UNC13C: variants seen among roughly 807,000 people sequenced by gnomAD.
The protein encoded by UNC13C is protein unc-13 homolog C.
UNC13C carries 174 observed loss-of-function variants against 245.4 expected under a neutral mutation model. The ratio of observed to expected loss-of-function variants is 0.71; its 90% CI spans 0.63 to 0.80. The LOEUF is 0.80. Ranked by LOEUF, UNC13C falls within the 30% of genes least tolerant of loss-of-function variation. UNC13C has a pLI of 0.00. For synonymous variants in UNC13C, 992 were observed against 895.1 expected (o/e 1.11, Z -1.93); for missense variants, 2,829 against 2,602.9 (o/e 1.09, Z -1.89).
At chr15:54,268,652 G>C (rs902680425) in intron 10 of UNC13C, among the ~76,000 whole-genome samples, 6 of 152,096 alleles carry the variant, frequency 3.9e-5, no homozygotes, top group Non-Finnish European at 7.4e-5. Flanking sequence ...GAATGAAATA[G>C]TGCTCAATTT....
At chr15:54,586,089 C>T (rs1243640479) in intron 30 of UNC13C, among the ~76,000 whole-genome samples, 1 of 152,156 alleles carries the variant, frequency 6.6e-6, no homozygotes, top group African/African-American at 2.4e-5. Context: ...TGATGATTCC[C>T]TGGTCTTTGA....
chr15:54,177,668 G>C (rs933722235), intron 4 of UNC13C, among the ~76,000 whole-genome samples: 3 of 152,080 alleles, frequency 2.0e-5, no homozygotes, highest in Non-Finnish European at 4.4e-5. Context: ...ATGTAGGCAT[G>C]ATATGTATAA....
At chr15:54,313,914 G>A (rs2037940289) in intron 13 of UNC13C, among the ~76,000 whole-genome samples, 1 of 151,428 alleles carries the variant, frequency 6.6e-6, no homozygotes, top group Non-Finnish European at 1.5e-5. Flanking sequence ...TTGAGAAAAT[G>A]TACTATGTAC....
chr15:53,918,676 C>T, the UNC13C span, among the ~76,000 whole-genome samples: 3 of 152,176 alleles, frequency 2.0e-5, no homozygotes, highest in African/African-American at 4.8e-5. Flanking sequence ...CTGGTGACTG[C>T]TGGGTCCCAC....
intron 4 of UNC13C, among the ~76,000 whole-genome samples, chr15:54,152,112 A>G (rs1013997009): frequency 6.6e-6 from 1 of 152,172 alleles, no homozygotes; most frequent in African/African-American, 2.4e-5. Flanking sequence ...CAATTAGAAA[A>G]CTAAGGCCAT....
At chr15:54,615,658 C>T (rs1428529235) in intron 30 of UNC13C, among the ~76,000 whole-genome samples, 2 of 152,080 alleles carry the variant, frequency 1.3e-5, no homozygotes, top group African/African-American at 4.8e-5. Context: ...TGACTGTCTA[C>T]ATCTGAAACA....
intron 19 of UNC13C, among the ~76,000 whole-genome samples, chr15:54,469,379 T>C (rs1421405922): frequency 1.3e-5 from 2 of 151,494 alleles, no homozygotes; most frequent in African/African-American, 4.8e-5. Flanking sequence ...AGCAAGCAGA[T>C]TTTTCTTTCC....
intron 19 of UNC13C, among the ~76,000 whole-genome samples, chr15:54,419,029 GCT>G (rs2040580001): frequency 6.6e-6 from 1 of 152,114 alleles, no homozygotes. Context: ...GAGAAGGCAA[GCT>G]CTGTATAATT....
intron 16 of UNC13C, among the ~76,000 whole-genome samples, 162 bp downstream of exon 16, chr15:54,334,018 A>G (rs2038510652): frequency 6.6e-6 from 1 of 152,130 alleles, no homozygotes; most frequent in Non-Finnish European, 1.5e-5. Flanking sequence ...AATATAAGGT[A>G]TAGTGAAGAA....
At chr15:54,529,430 A>T (rs1045432381) in intron 25 of UNC13C, among the ~76,000 whole-genome samples, 3 of 152,206 alleles carry the variant, frequency 2.0e-5, no homozygotes, top group Non-Finnish European at 2.9e-5. Flanking sequence ...ACTTAACAAG[A>T]TGTCAACTAA....
intron 17 of UNC13C, among the ~76,000 whole-genome samples, chr15:54,380,261 C>T (rs2039695188): frequency 6.6e-6 from 1 of 151,954 alleles, no homozygotes; most frequent in Admixed American, 6.6e-5. Context: ...TGGCTTAATC[C>T]CCTTAACATA....
At chr15:54,440,092 A>G (rs181412126) in intron 19 of UNC13C, among the ~76,000 whole-genome samples, 11 of 151,950 alleles carry the variant, frequency 7.2e-5, no homozygotes, top group South Asian at 2.1e-4. Context: ...GGGTTCCCCC[A>G]TGCTGTTTTC....
intron 29 of UNC13C, among the ~76,000 whole-genome samples, chr15:54,557,158 T>G (rs1247162271): frequency 6.6e-6 from 1 of 152,040 alleles, no homozygotes; most frequent in Non-Finnish European, 1.5e-5. Flanking sequence ...TTTGGTGTCC[T>G]AGGTCCAGTA....
chr15:54,250,749 CTTTTTTTT>C (rs1296024773), intron 8 of UNC13C, among the ~76,000 whole-genome samples: 1 of 88,868 alleles, frequency 1.1e-5, no homozygotes, highest in Non-Finnish European at 2.2e-5. Context: ...TTCTTTCTTT[CTTTTTTTT>C]TTTTTTTTTT....
In UNC13C at chr15:54,500,123, A is replaced by T. The variant is rs753106727; in HGVS notation, c.5105A>T (p.Asp1702Val). 3 of 1,611,572 alleles carry T rather than the reference A, an allele frequency of 1.9e-6. No homozygotes were observed. Among genetic ancestry groups the T allele is most frequent in the Non-Finnish European group, 2.5e-6 (3 of 1,179,084 alleles). Reference sequence around the variant, plus strand: ...ATGCAATGGCTAGATGAAAACGAAGATGTGTCAATGGAATTCCTTCATGGA... The same window carrying T: ...ATGCAATGGCTAGATGAAAACGAAGTTGTGTCAATGGAATTCCTTCATGGA... ...FVMQWLDENE[D>V]VSMEFLHGAL... The change falls in exon 21 of 33, where the codon GAT becomes GTT. Residue 1702 changes from aspartate (D) to valine (V), a missense_variant. Coordinates refer to ENST00000260323, the MANE Select transcript of UNC13C (RefSeq NM_001080534.3).
intron 2 of UNC13C, among the ~76,000 whole-genome samples, chr15:54,093,782 A>T (rs1899699637): frequency 6.6e-6 from 1 of 152,206 alleles, no homozygotes; most frequent in Non-Finnish European, 1.5e-5. Flanking sequence ...TCAGCTTTTT[A>T]TCAATACATT....
rs1231690111 is a variant in UNC13C at position 54,075,485 on chromosome 15, G to GAGCTTGCAGTGAGCCGA, written c.2983+59600_2983+59616dup. Among the ~76,000 whole-genome samples the GAGCTTGCAGTGAGCCGA allele has an allele frequency of 6.3e-4, 63 of 100,496 alleles. 5 individuals carry two copies. Among genetic ancestry groups the GAGCTTGCAGTGAGCCGA allele is most frequent in the African/African-American group, 1.3e-3 (32 of 24,514 alleles). 65.9% of individuals were successfully genotyped at this position (100,496 alleles called of 152,430 possible). A position where few individuals can be genotyped will look rare whatever the true frequency, so the allele number is the denominator to read the frequency against. On this transcript the variant is annotated intron_variant, in intron 2 of 32. Coordinates refer to ENST00000260323, the MANE Select transcript of UNC13C (RefSeq NM_001080534.3). ...GTGAGCCGGAGCTTGCAGTGAGCCG[G>GAGCTTGCAGTGAGCCGA]AGCTTGCAGTGAGCCGAGATGGCGC...
chr15:54,186,064 C>G (rs1354849849), intron 4 of UNC13C, among the ~76,000 whole-genome samples: 2 of 137,538 alleles, frequency 1.5e-5, no homozygotes, highest in African/African-American at 2.8e-5. Flanking sequence ...TGATTTGGCT[C>G]TCTGTTTGTC....
chr15:54,146,578 T>C (rs1401255664), intron 4 of UNC13C, among the ~76,000 whole-genome samples: 1 of 152,172 alleles, frequency 6.6e-6, no homozygotes, highest in African/African-American at 2.4e-5. Context: ...GGGGAAAAAC[T>C]GGAAGAGGGA....
Sources: allele counts gnomAD v4.1 joint callset (sites outside exome capture counted in the v4.1 genomes callset), GRCh38; gene constraint gnomAD v4.1.1; transcripts MANE v1.5; gene names NCBI Gene and HGNC (gene_info 2026-07-23, HGNC 2026-07-21).